SGMS1: variants seen among roughly 807,000 people sequenced by gnomAD.
SGMS1 encodes the protein phosphatidylcholine:ceramide cholinephosphotransferase 1.
Under a neutral mutation model 46.2 loss-of-function variants are expected in SGMS1, and 13 were observed. That is an observed-to-expected ratio of 0.28 (90% CI 0.18 to 0.45). The LOEUF (loss-of-function observed/expected upper bound fraction) is 0.45, where lower values mean the gene tolerates loss of function less well. SGMS1 is among the 20% of genes least tolerant of loss of function. SGMS1 has a pLI of 1.00. For synonymous variants in SGMS1, 203 were observed against 187.8 expected, an observed-to-expected ratio of 1.08 and a Z score of -0.66; for missense variants, 324 against 519.9, an observed-to-expected ratio of 0.62 and a Z score of 3.66.
At chr10:50,424,454 T>C (rs1202238127) in intron 6 of SGMS1, among the ~76,000 whole-genome samples, 1 of 152,216 alleles carries the variant, frequency 6.6e-6, no homozygotes, top group Non-Finnish European at 1.5e-5. Flanking sequence ...AAAATACCTG[T>C]CTAAAGTGTT....
At chr10:50,339,471 T>C (rs1020884751) in intron 7 of SGMS1, among the ~76,000 whole-genome samples, 3 of 152,168 alleles carry the variant, frequency 2.0e-5, no homozygotes, top group African/African-American at 7.2e-5. Context: ...CTCTCCCCAC[T>C]CTCTCCAACA....
At chr10:50,538,498 C>G (rs1026442232) in intron 2 of SGMS1, among the ~76,000 whole-genome samples, 7 of 151,818 alleles carry the variant, frequency 4.6e-5, no homozygotes, top group Non-Finnish European at 1.0e-4. Context: ...ATCAGGGGTG[C>G]CTTCAGCATT....
intron 2 of SGMS1, among the ~76,000 whole-genome samples, chr10:50,545,126 C>T (rs1010289137): frequency 6.6e-6 from 1 of 152,096 alleles, no homozygotes; most frequent in Non-Finnish European, 1.5e-5. Flanking sequence ...ACACAGAGAA[C>T]ATCAGTAACC....
At chr10:50,484,475 G>A (rs1403498863) in intron 3 of SGMS1, among the ~76,000 whole-genome samples, 4 of 152,164 alleles carry the variant, frequency 2.6e-5, no homozygotes, top group African/African-American at 7.2e-5. Flanking sequence ...GTACAAAGAG[G>A]AGCTGGTAGT....
In SGMS1 at chr10:50,534,100, C is replaced by T. The variant is rs372805122; in HGVS notation, c.-588-14179G>A. Among the ~76,000 whole-genome samples, 9 of 152,062 alleles carry T rather than the reference C, an allele frequency of 5.9e-5. No homozygotes were observed. In the South Asian group the frequency reaches 1.9e-3, roughly 32 times the overall value. On this transcript the variant is annotated intron_variant, in intron 2 of 10. Transcript: ENST00000361781. ...ATGTAAGTTTTTAAAGCCCAATAAA[C>T]TATGCATCTATGTATTTACCTATCT... is the stretch of plus-strand genomic sequence containing the variant.
intron 5 of SGMS1, among the ~76,000 whole-genome samples, chr10:50,457,333 A>G (rs1837204400): frequency 6.6e-6 from 1 of 152,168 alleles, no homozygotes; most frequent in African/African-American, 2.4e-5. Flanking sequence ...GGTAATCTTT[A>G]TTTTGTTGTT....
chr10:50,604,032 T>A (rs563586780), intron 1 of SGMS1, among the ~76,000 whole-genome samples: 13 of 152,212 alleles, frequency 8.5e-5, no homozygotes, highest in Non-Finnish European at 1.6e-4. Flanking sequence ...AGATTTAATC[T>A]AAACGTCAAC....
At chr10:50,334,588 A>C (rs1222561921) in intron 7 of SGMS1, 1 of 152,236 alleles carries the variant, frequency 6.6e-6, no homozygotes, top group Non-Finnish European at 1.5e-5. Flanking sequence ...AACATAACAG[A>C]CACATCACCA....
At chr10:50,325,896 C>T (rs1461879578) in intron 8 of SGMS1, among the ~76,000 whole-genome samples, 1 of 152,122 alleles carries the variant, frequency 6.6e-6, no homozygotes, top group Non-Finnish European at 1.5e-5. Flanking sequence ...AAGCCAGGCT[C>T]CCAGCAAGAG....
chr10:50,525,664 C>T (rs1356773799), intron 2 of SGMS1, among the ~76,000 whole-genome samples: 1 of 152,152 alleles, frequency 6.6e-6, no homozygotes, highest in South Asian at 2.1e-4. Flanking sequence ...ATTTGAGGTA[C>T]GAAATTCCCA....
intron 2 of SGMS1, among the ~76,000 whole-genome samples, chr10:50,569,044 A>G (rs1294762854): frequency 6.6e-6 from 1 of 152,156 alleles, no homozygotes; most frequent in Non-Finnish European, 1.5e-5. Flanking sequence ...AAACTAACAC[A>G]GGAACAGAAA....
chr10:50,487,058 C>A (rs1374099083), intron 3 of SGMS1, among the ~76,000 whole-genome samples: 1 of 152,146 alleles, frequency 6.6e-6, no homozygotes, highest in Admixed American at 6.5e-5. Context: ...AATGTAGAAA[C>A]AGAAACCCAA....
intron 2 of SGMS1, among the ~76,000 whole-genome samples, chr10:50,562,359 C>CGT (rs1340465990): frequency 9.3e-5 from 11 of 118,292 alleles, no homozygotes; most frequent in Non-Finnish European, 1.5e-4. Flanking sequence ...TGTGTGTGCG[C>CGT]GCGCGCACAC....
chr10:50,390,192 A>G (rs888977869), intron 6 of SGMS1, among the ~76,000 whole-genome samples: 1 of 152,260 alleles, frequency 6.6e-6, no homozygotes, highest in African/African-American at 2.4e-5. Flanking sequence ...TACTACAAAT[A>G]CATGTAACGT....
At chr10:50,599,396 C>T (rs530582070) in intron 1 of SGMS1, among the ~76,000 whole-genome samples, 34 of 152,200 alleles carry the variant, frequency 2.2e-4, no homozygotes, top group African/African-American at 7.7e-4. Context: ...CTGCAACAGC[C>T]CACTTCAGAG....
At chr10:50,347,621 G>T (rs1368440873) in intron 6 of SGMS1, among the ~76,000 whole-genome samples, 1 of 152,114 alleles carries the variant, frequency 6.6e-6, no homozygotes, top group East Asian at 1.9e-4. Context: ...TCTTGAAATG[G>T]GTATGAGAAC....
chr10:50,581,901 G>C (rs1427667000), intron 2 of SGMS1, among the ~76,000 whole-genome samples: 1 of 152,168 alleles, frequency 6.6e-6, no homozygotes, highest in African/African-American at 2.4e-5. Flanking sequence ...ACAATTTCTT[G>C]TCAAAAGAAA....
rs118067310 is a variant in SGMS1 at position 50,577,484 on chromosome 10, C to T, written c.-589+12669G>A. Among the ~76,000 whole-genome samples the T allele has an allele frequency of 3.5e-3, 526 of 152,218 alleles. 1 individual carries two copies. The highest frequency in any genetic ancestry group is 6.3e-3 in the Non-Finnish European group (426 of 68,010). ...GTCCCTTTCCTAACGTGCAAGAATT[C>T]GTAATTTATTCATATTTAGTCCTTT... is the stretch of plus-strand genomic sequence containing the variant. On this transcript the variant is annotated intron_variant, in intron 2 of 10. Transcript: ENST00000361781.
chr10:50,481,369 G>A (rs953870484), intron 3 of SGMS1, among the ~76,000 whole-genome samples: 1 of 152,202 alleles, frequency 6.6e-6, no homozygotes, highest in East Asian at 1.9e-4. Flanking sequence ...GCTTCCACTA[G>A]TAACACATCC....
Sources: gnomAD v4.1 joint callset for allele counts (sites outside exome capture counted in the v4.1 genomes callset) on GRCh38, gnomAD v4.1.1 for gene constraint, MANE v1.5 for transcripts, NCBI Gene and HGNC (gene_info 2026-07-23, HGNC 2026-07-21) for gene names.